SMPDL3A: variants seen among roughly 807,000 people sequenced by gnomAD.
SMPDL3A encodes the protein cyclic GMP-AMP phosphodiesterase SMPDL3A.
Under a neutral mutation model 38.5 loss-of-function variants are expected in SMPDL3A, and 39 were observed. The ratio of observed to expected loss-of-function variants is 1.01; its 90% CI spans 0.78 to 1.32. SMPDL3A has a LOEUF of 1.32. Ranked by LOEUF, SMPDL3A falls within the 40% of genes most tolerant of loss-of-function variation. The pLI is 0.00. For missense variants in SMPDL3A, 502 were observed against 536.2 expected, an observed-to-expected ratio of 0.94 and a Z score of 0.63; for synonymous variants, 180 against 194.3, an observed-to-expected ratio of 0.93 and a Z score of 0.61.
intron 1 of SMPDL3A, among the ~76,000 whole-genome samples, chr6:122,794,392 T>G (rs906298171): frequency 1.6e-4 from 24 of 151,918 alleles, no homozygotes; most frequent in African/African-American, 5.6e-4. Flanking sequence ...GGTCAGGAAA[T>G]CGAGACCATC....
Position 122,809,266 on chromosome 6 carries a change from A to G in SMPDL3A, c.1220A>G (p.Tyr407Cys). ...GACAGTAAGCAGTTTATAAAATACT[A>G]CAATTACTTCTTTGTGAGTTATGAC... Reference protein sequence around the residue: ...ILDSKQFIKYYNYFFVSYDSS... With the variant: ...ILDSKQFIKYCNYFFVSYDSS... Residue 407 changes from tyrosine to cysteine, a missense_variant, in exon 8 of 8, where the codon TAC becomes TGC. Coordinates refer to ENST00000368440, the MANE Select transcript of SMPDL3A (RefSeq NM_006714.5). 1 of 1,614,112 alleles carries G rather than the reference A, an allele frequency of 6.2e-7. No homozygotes were observed. Among genetic ancestry groups the G allele is most frequent in the Non-Finnish European group, 8.5e-7 (1 of 1,179,934 alleles).
Position 122,803,741 on chromosome 6 carries a change from C to G in SMPDL3A, c.646C>G (p.Pro216Ala), listed in dbSNP as rs1393050216. 1 of 1,613,694 alleles carries G rather than the reference C, an allele frequency of 6.2e-7. No homozygotes were observed. The highest frequency in any genetic ancestry group is 2.2e-5 in the East Asian group (1 of 44,866). The stretch of plus-strand genomic sequence containing the variant: ...TCTAAACACAAACTTGTACTACGGC[C>G]CAAATATAATGACACTGAACAAGAC... ...ISLNTNLYYG[P>A]NIMTLNKTDP... Residue 216 changes from proline (P) to alanine (A), a missense_variant, in exon 5 of 8, where the codon CCA (proline) becomes GCA (alanine). Pro to Ala is a conservative substitution (Grantham distance 27). Coordinates refer to ENST00000368440, the MANE Select transcript of SMPDL3A (RefSeq NM_006714.5).
At chr6:122,803,619 G>A (rs147563025) in intron 4 of SMPDL3A, 45 bp from the exon 5 acceptor site, 2 of 1,450,262 alleles carry the variant, frequency 1.4e-6, no homozygotes, top group African/African-American at 1.4e-5. Flanking sequence ...ATGTTTGTGT[G>A]TATGTGTATG....
chr6:122,791,281 T>C (rs1781067331), intron 1 of SMPDL3A, among the ~76,000 whole-genome samples: 1 of 152,216 alleles, frequency 6.6e-6, no homozygotes, highest in South Asian at 2.1e-4. Flanking sequence ...GTTCTTTAGA[T>C]TGAGTAGGCT....
intron 5 of SMPDL3A, 37 bp downstream of exon 5, chr6:122,803,870 G>A (rs368588968): frequency 4.8e-5 from 75 of 1,571,440 alleles, no homozygotes; most frequent in African/African-American, 3.8e-4. Flanking sequence ...GGGAATAAAC[G>A]GAAGGCAAAA....
intron 1 of SMPDL3A, among the ~76,000 whole-genome samples, chr6:122,795,431 C>T (rs959393151): frequency 1.3e-5 from 2 of 152,062 alleles, no homozygotes; most frequent in Non-Finnish European, 2.9e-5. Context: ...GCATGAGCCA[C>T]CGCGCCCGGC....
intron 3 of SMPDL3A, among the ~76,000 whole-genome samples, chr6:122,800,425 G>A (rs1389608017): frequency 6.6e-6 from 1 of 152,146 alleles, no homozygotes; most frequent in Non-Finnish European, 1.5e-5. Context: ...AAAACATGAT[G>A]TTTTCCCGTT....
At chr6:122,791,886 G>C (rs1361684734) in intron 1 of SMPDL3A, among the ~76,000 whole-genome samples, 1 of 152,080 alleles carries the variant, frequency 6.6e-6, no homozygotes, top group Admixed American at 6.5e-5. Context: ...GTAGAGACGG[G>C]GTTTCACCGT....
At chr6:122,792,007 A>T (rs1781094839) in intron 1 of SMPDL3A, among the ~76,000 whole-genome samples, 1 of 152,206 alleles carries the variant, frequency 6.6e-6, no homozygotes, top group South Asian at 2.1e-4. Flanking sequence ...AATCTTTTTA[A>T]AGATAGTCTG....
intron 7 of SMPDL3A, 140 bp from the exon 8 acceptor site, chr6:122,808,951 C>G (rs1221370265): frequency 7.4e-6 from 5 of 675,832 alleles, no homozygotes; most frequent in Non-Finnish European, 1.2e-5. Flanking sequence ...GCCTCAGCCT[C>G]TCAAAGTGCT....
intron 3 of SMPDL3A, among the ~76,000 whole-genome samples, chr6:122,797,530 A>AC (rs1233720948): frequency 1.3e-5 from 2 of 152,166 alleles, no homozygotes; most frequent in South Asian, 2.1e-4. Flanking sequence ...TGCCTGAGAT[A>AC]CCCCCGGCTC....
intron 5 of SMPDL3A, 22 bp downstream of exon 5, chr6:122,803,855 C>T (rs757800699): frequency 3.1e-6 from 5 of 1,602,806 alleles, no homozygotes; most frequent in Non-Finnish European, 8.5e-7. Context: ...AGACCAAAAC[C>T]ATCTGGGAAT....
rs916781685 is a variant in SMPDL3A, at chr6:122,809,499, T to C, written c.*91T>C. The C allele has an allele frequency of 7.4e-5, 68 of 924,984 alleles. No individual in the cohort carries two copies. Among genetic ancestry groups the C allele is most frequent in the Middle Eastern group, 6.9e-4 (2 of 2,884 alleles). 57.3% of individuals were successfully genotyped at this position (924,984 alleles called of 1,614,324 possible). A position where few individuals can be genotyped will look rare whatever the true frequency, so the allele number is the denominator to read the frequency against. On this transcript the variant is annotated 3_prime_UTR_variant, in exon 8 of 8. Transcript: ENST00000368440. Reference sequence around the variant, plus strand: ...ACATAAATCTTTGTTAATTACTGAGTGGGCAAGTAGACTTCCTGTCTTTGC... The same window carrying C: ...ACATAAATCTTTGTTAATTACTGAGCGGGCAAGTAGACTTCCTGTCTTTGC...
chr6:122,795,146 G>C (rs187570141), intron 1 of SMPDL3A, among the ~76,000 whole-genome samples: 1 of 151,548 alleles, frequency 6.6e-6, no homozygotes, highest in Non-Finnish European at 1.5e-5. Flanking sequence ...TGAGCTCATC[G>C]GTTCTTTTTT....
chr6:122,806,869 C>A (rs1037421595), intron 7 of SMPDL3A, among the ~76,000 whole-genome samples: 1 of 152,200 alleles, frequency 6.6e-6, no homozygotes, highest in East Asian at 1.9e-4. Flanking sequence ...ACGCTTGGCT[C>A]ATACTAAATG....
chr6:122,794,393 C>T (rs1050938224), intron 1 of SMPDL3A, among the ~76,000 whole-genome samples: 3 of 151,952 alleles, frequency 2.0e-5, no homozygotes, highest in Admixed American at 1.3e-4. Flanking sequence ...GTCAGGAAAT[C>T]GAGACCATCC....
intron 3 of SMPDL3A, among the ~76,000 whole-genome samples, chr6:122,798,984 A>G (rs935977775): frequency 1.3e-5 from 2 of 152,190 alleles, no homozygotes; most frequent in Non-Finnish European, 2.9e-5. Context: ...GTAACATGAA[A>G]GCTCCACAAC....
intron 3 of SMPDL3A, among the ~76,000 whole-genome samples, chr6:122,800,192 A>G (rs1398518959): frequency 2.0e-5 from 3 of 151,994 alleles, no homozygotes; most frequent in African/African-American, 7.2e-5. Flanking sequence ...GAGGCTCCCC[A>G]TTTACTTCTA....
chr6:122,798,622 C>T (rs929078505), intron 3 of SMPDL3A, among the ~76,000 whole-genome samples: 1 of 152,202 alleles, frequency 6.6e-6, no homozygotes, highest in Non-Finnish European at 1.5e-5. Context: ...AAAGGCATAG[C>T]TTACTATCTG....
Sources: allele counts gnomAD v4.1 joint callset (sites outside exome capture counted in the v4.1 genomes callset), GRCh38; gene constraint gnomAD v4.1.1; transcripts MANE v1.5; gene names NCBI Gene and HGNC (gene_info 2026-07-23, HGNC 2026-07-21).